RNF213: variants seen among roughly 807,000 people sequenced by gnomAD.
RNF213 encodes the protein E3 ubiquitin-protein ligase RNF213.
A neutral mutation model predicts 514.4 loss-of-function variants in RNF213; 341 were observed. The ratio of observed to expected loss-of-function variants is 0.66; its 90% CI spans 0.61 to 0.73. The LOEUF is 0.73. Among genes scored for constraint, RNF213 ranks in the 30% least tolerant of loss-of-function variants. The pLI, the probability that RNF213 is intolerant of heterozygous loss-of-function variation, is 0.00. For missense variants in RNF213, 5,767 were observed against 6,615.6 expected (o/e 0.87, Z 4.45); for synonymous variants, 2,655 against 2,658.2 (o/e 1.00, Z 0.04).
At position 80,325,064 on chromosome 17, in the gene RNF213, C is replaced by G. The variant is rs2046243356; in HGVS notation, c.3059C>G (p.Ser1020Cys). Residue 1020 changes from serine to cysteine, a missense_variant, in exon 18 of 68, where the codon TCT becomes TGT. By Grantham distance (112) the Ser-to-Cys change is moderately radical. Transcript: ENST00000582970. ...AGTATCCTTCAGGGGTTCTCTTACTCTGATTTGCGGAAATTTGGCATCGTC... is the reference window on the plus strand; with the variant it reads ...AGTATCCTTCAGGGGTTCTCTTACTGTGATTTGCGGAAATTTGGCATCGTC... ...QTSILQGFSY[S>C]DLRKFGIVLS... The G allele has an allele frequency of 6.5e-7, 1 of 1,537,038 alleles. No homozygotes were observed. Among genetic ancestry groups the G allele is most frequent in the African/African-American group, 1.4e-5 (1 of 72,988 alleles).
In RNF213 at chr17:80,375,807, A is replaced by G. The variant is rs751543694; in HGVS notation, c.13122A>G (p.Thr4374=). 5 of 1,614,066 alleles carry G rather than the reference A, an allele frequency of 3.1e-6. No individual in the cohort carries two copies. The highest frequency in any genetic ancestry group is 2.5e-6 in the Non-Finnish European group (3 of 1,180,006). Residue 4374 remains threonine (T), a synonymous_variant, in exon 51 of 68, where the codon ACA becomes ACG. Coordinates refer to ENST00000582970, the MANE Select transcript of RNF213 (RefSeq NM_001256071.3). Reference sequence around the variant, plus strand: ...AGCAGTCAGCCTACTTCCTGTTAACACTGTTTAGAGAGGTGGCTATTTTGT... The same window carrying G: ...AGCAGTCAGCCTACTTCCTGTTAACGCTGTTTAGAGAGGTGGCTATTTTGT... The part of the protein sequence containing the change: ...QSQQSAYFLL[T]LFREVAILYR...
chr17:80,386,365 C>T lies in RNF213; in HGVS notation c.14655C>T (p.Ser4885=). The change falls in exon 62 of 68, where the codon AGC becomes AGT. Residue 4885 remains serine, a synonymous_variant. Coordinates refer to ENST00000582970, the MANE Select transcript of RNF213 (RefSeq NM_001256071.3). Reference sequence around the variant, plus strand: ...GCCTCTGTGCTACCGCTCTCGTCAGCTACTTGATTCGCCTACACAATGAAA... The same window carrying T: ...GCCTCTGTGCTACCGCTCTCGTCAGTTACTTGATTCGCCTACACAATGAAA... ...GLGLCATALV[S]YLIRLHNEIV... is the part of the protein sequence containing the mutation. 2 of 1,614,180 alleles carry T rather than the reference C, an allele frequency of 1.2e-6. No individual in the cohort carries two copies. The highest frequency in any genetic ancestry group is 1.7e-6 in the Non-Finnish European group (2 of 1,180,036).
At position 80,367,863 on chromosome 17, in the gene RNF213, T is replaced by C; in HGVS notation, c.11972+15T>C. On this transcript the variant is annotated intron_variant, in intron 43 of 67. Coordinates refer to ENST00000582970, the MANE Select transcript of RNF213 (RefSeq NM_001256071.3). ...ACCCTCAGCAGGTGAGACCTTAGGT[T>C]TGGATCTGTGAAGGCGAGAATTCTG... The C allele has an allele frequency of 1.2e-6, 2 of 1,614,058 alleles. No homozygotes were observed. The highest frequency in any genetic ancestry group is 1.7e-6 in the Non-Finnish European group (2 of 1,179,868).
chr17:80,278,960 C>T, intron 3 of RNF213: 1 of 1,529,704 alleles, frequency 6.5e-7, no homozygotes. Context: ...CTGGTGCATG[C>T]TGGCACAGCC....
At position 80,346,212 on chromosome 17, in the gene RNF213, T is replaced by C. The variant is rs1391518762; in HGVS notation, c.7877T>C (p.Met2626Thr). The C allele has an allele frequency of 6.2e-7, 1 of 1,614,154 alleles. No individual in the cohort carries two copies. Among genetic ancestry groups the C allele is most frequent in the East Asian group, 2.2e-5 (1 of 44,890 alleles). The change falls in exon 29 of 68, where the codon ATG becomes ACG. Residue 2626 changes from methionine to threonine, a missense_variant. Met to Thr is a moderately conservative substitution (Grantham distance 81). Around this residue, in one of 13 missense-constraint regions of RNF213, gnomAD observed 1,377 missense variants for 1,635.2 expected, o/e 0.84. Coordinates refer to ENST00000582970, the MANE Select transcript of RNF213 (RefSeq NM_001256071.3). This position sits in a 1 kb window ranked among gnomAD's most constrained non-coding sequence, Gnocchi z 8.1. Reference protein sequence around the residue: ...TEVLCASQGFMRKTEDECSFV... With the variant: ...TEVLCASQGFTRKTEDECSFV... ...GTCCTCTGCGCCTCTCAGGGTTTCA[T>C]GAGGAAAACAGAAGATGAGTGCAGC...
intron 3 of RNF213, among the ~76,000 whole-genome samples, chr17:80,279,472 CT>C (rs1226970386): frequency 5.4e-4 from 80 of 148,968 alleles, no homozygotes; most frequent in Non-Finnish European, 2.2e-4. Flanking sequence ...TTCTTTCTTT[CT>C]TTTTTTTTTG....
At chr17:80,376,992 A>G in intron 53 of RNF213, 29 bp downstream of exon 53, 1 of 1,525,504 alleles carries the variant, frequency 6.6e-7, no homozygotes, top group South Asian at 1.1e-5. Flanking sequence ...ATGACCCCAC[A>G]CTCCTTTGAG....
At chr17:80,350,032 G>T in intron 30 of RNF213, 126 bp downstream of exon 30, 1 of 1,079,994 alleles carries the variant, frequency 9.3e-7, no homozygotes, top group Non-Finnish European at 1.4e-6. Flanking sequence ...ATAGATCCTT[G>T]TTAAATCTCT....
chr17:80,281,491 T>G (rs1406306042), intron 3 of RNF213, among the ~76,000 whole-genome samples: 73 of 15,510 alleles, frequency 4.7e-3, no homozygotes, highest in African/African-American at 0.015. Flanking sequence ...CCAACATACA[T>G]ACACCCCACT....
chr17:80,389,460 T>A, intron 65 of RNF213, 93 bp downstream of exon 65: 1 of 1,105,326 alleles, frequency 9.0e-7, no homozygotes, highest in Non-Finnish European at 1.4e-6. Context: ...AGTGCCACTC[T>A]AGGCGCTCCT....
At position 80,353,782 on chromosome 17, in the gene RNF213, G is replaced by A. The variant is rs1209929166; in HGVS notation, c.10578+116G>A. ...GTCGCCGCCGCTGTGCAGGGGTGAG[G>A]ATGGCGCCCCACTTTCCTCACACAG... is the stretch of plus-strand genomic sequence containing the variant. On this transcript the variant is annotated intron_variant, in intron 34 of 67. Transcript: ENST00000582970. The surrounding 1 kb of genome is among the most constrained non-coding windows in gnomAD (Gnocchi z 5.0). 1 of 1,410,616 alleles carries A rather than the reference G, an allele frequency of 7.1e-7. No individual in the cohort carries two copies. Among genetic ancestry groups the A allele is most frequent in the Admixed American group, 1.7e-5 (1 of 57,352 alleles). 87.4% of individuals were successfully genotyped at this position (1,410,616 alleles called of 1,614,324 possible).
At chr17:80,320,931 G>C (rs2046119548) in intron 17 of RNF213, 1 of 152,240 alleles carries the variant, frequency 6.6e-6, no homozygotes, top group Non-Finnish European at 1.5e-5. Context: ...AGGCAGCAGT[G>C]AGCCATGATC....
chr17:80,285,355 C>T (rs976631573), intron 3 of RNF213, among the ~76,000 whole-genome samples: 8 of 152,212 alleles, frequency 5.3e-5, no homozygotes, highest in East Asian at 3.9e-4. Context: ...CCAGCCCAGA[C>T]GCCACTGCAT....
At chr17:80,338,947 C>CA (rs113523225) in intron 25 of RNF213, among the ~76,000 whole-genome samples, 5 of 128,036 alleles carry the variant, frequency 3.9e-5, no homozygotes, top group East Asian at 2.0e-4. Context: ...GACTCCATCT[C>CA]AAAAAAAAAT....
intron 20 of RNF213, among the ~76,000 whole-genome samples, 197 bp from the exon 21 acceptor site, chr17:80,331,809 T>G (rs2046423943): frequency 6.6e-6 from 1 of 152,244 alleles, no homozygotes; most frequent in Non-Finnish European, 1.5e-5. Context: ...TATGATGCTT[T>G]CTTTATCATG....
rs530458701 is a variant in RNF213, at chr17:80,359,230, A to G, written c.11054+751A>G. The stretch of plus-strand genomic sequence containing the variant: ...TTCTGGATGTAGATTTATAAAGAAT[A>G]TAGAAATAAATGTGCCCAGGCTCGG... On this transcript the variant is annotated intron_variant, in intron 37 of 67. Transcript: ENST00000582970. Among the ~76,000 whole-genome samples the G allele has an allele frequency of 6.6e-5, 10 of 152,192 alleles. No homozygotes were observed. The East Asian group carries it at 1.7e-3, about 26-fold the overall frequency.
At chr17:80,273,184 C>T in intron 2 of RNF213, 57 bp from the exon 3 acceptor site, 1 of 1,607,380 alleles carries the variant, frequency 6.2e-7, no homozygotes, top group Non-Finnish European at 8.5e-7. Context: ...TTCTGTTTTT[C>T]CTTCCTAACA....
At chr17:80,374,868 T>C in intron 50 of RNF213, 1 of 448,982 alleles carries the variant, frequency 2.2e-6, no homozygotes, top group Non-Finnish European at 4.2e-6. Flanking sequence ...TTTTGATTTA[T>C]GCCCATTACT....
At chr17:80,333,957 T>TAAG in intron 21 of RNF213, 148 bp from the exon 22 acceptor site, 3 of 798,700 alleles carry the variant, frequency 3.8e-6, no homozygotes, top group Non-Finnish European at 6.1e-6. Context: ...AATTCAGGGG[T>TAAG]AAGAGCTTGG....
Sources: allele counts gnomAD v4.1 joint callset (sites outside exome capture counted in the v4.1 genomes callset), GRCh38; gene constraint gnomAD v4.1.1; regional missense constraint gnomAD v4.1.1; non-coding constraint Gnocchi (gnomAD v3.1); transcripts MANE v1.5; gene names NCBI Gene and HGNC (gene_info 2026-07-23, HGNC 2026-07-21).